PARP8: variants seen among roughly 807,000 people sequenced by gnomAD.
The protein encoded by PARP8 is poly(ADP-ribose) polymerase family member 8.
PARP8 carries 51 observed loss-of-function variants against 124.1 expected under a neutral mutation model. That is an observed-to-expected ratio of 0.41 (90% confidence interval 0.33 to 0.52). The LOEUF is 0.52. PARP8 is among the 20% of genes least tolerant of loss of function. PARP8 has a pLI of 0.21. For missense variants in PARP8, 860 were observed against 1,018.9 expected (o/e 0.84, Z 2.12); for synonymous variants, 391 against 361.5 (o/e 1.08, Z -0.93).
At chr5:50,808,549 G>T (rs1744108486) in intron 14 of PARP8, among the ~76,000 whole-genome samples, 1 of 151,948 alleles carries the variant, frequency 6.6e-6, no homozygotes, top group Non-Finnish European at 1.5e-5. Context: ...GGGCTTCAAG[G>T]AATTTCCTTG....
chr5:50,665,942 T>C (rs1443317465), upstream of PARP8: 1 of 152,270 alleles, frequency 6.6e-6, no homozygotes, highest in East Asian at 1.9e-4. Flanking sequence ...TAGCTTTCCC[T>C]TGACTGTCAA....
At chr5:50,698,656 T>C (rs1007722517) in intron 2 of PARP8, among the ~76,000 whole-genome samples, 2 of 152,182 alleles carry the variant, frequency 1.3e-5, no homozygotes, top group African/African-American at 4.8e-5. Flanking sequence ...ATCAGTCTTT[T>C]ATCCTGATGA....
rs59463822 is a variant in PARP8, at chr5:50,689,018, A to AT, written c.146+20905dup. Among the ~76,000 whole-genome samples the AT allele has an allele frequency of 1.5e-3, 192 of 131,452 alleles. 2 individuals carry two copies. The South Asian group carries it at 0.023, about 16-fold the overall frequency. The allele number at this position is 131,452 out of a possible 152,430, so 86.2% of individuals were successfully genotyped here. A position where few individuals can be genotyped will look rare whatever the true frequency, so the allele number is the denominator to read the frequency against. On this transcript the variant is annotated intron_variant, in intron 2 of 25. Transcript: ENST00000281631. Reference sequence around the variant, plus strand: ...TGACAAGATGTTTAAATATGAATGAATTTTTTTTTTTTGATTTTTTTTTTT... The same window carrying AT: ...TGACAAGATGTTTAAATATGAATGAATTTTTTTTTTTTTGATTTTTTTTTTT...
intron 14 of PARP8, among the ~76,000 whole-genome samples, chr5:50,799,274 T>G (rs1049966199): frequency 1.3e-5 from 2 of 152,246 alleles, no homozygotes; most frequent in African/African-American, 4.8e-5. Context: ...AAAGTCATTC[T>G]TTTGCATGTA....
chr5:50,739,089 A>G (rs1038550007), intron 2 of PARP8: 1 of 702,280 alleles, frequency 1.4e-6, no homozygotes, highest in African/African-American at 1.7e-5. Context: ...TCCCACAGGT[A>G]TTGAATCAAA....
At chr5:50,801,692 T>C (rs1743246505) in intron 14 of PARP8, among the ~76,000 whole-genome samples, 1 of 152,204 alleles carries the variant, frequency 6.6e-6, no homozygotes, top group African/African-American at 2.4e-5. Context: ...CATTTATTCT[T>C]TGTTACCATT....
At chr5:50,754,146 T>TATATATATATACATATAC (rs1561331500) in intron 3 of PARP8, among the ~76,000 whole-genome samples, 4 of 21,410 alleles carry the variant, frequency 1.9e-4, no homozygotes, top group African/African-American at 5.3e-4. Context: ...TATATATATA[T>TATATATATATACATATAC]ATATACACAC....
chr5:50,793,640 G>T (rs796073144), intron 10 of PARP8, among the ~76,000 whole-genome samples: 1 of 152,138 alleles, frequency 6.6e-6, no homozygotes, highest in Non-Finnish European at 1.5e-5. Flanking sequence ...GATATAATTT[G>T]CTGACCACAT....
chr5:50,754,298 C>T (rs1200055500), intron 3 of PARP8, among the ~76,000 whole-genome samples: 6 of 151,260 alleles, frequency 4.0e-5, no homozygotes, highest in African/African-American at 1.5e-4. Flanking sequence ...TCATCATTTA[C>T]ATTAGGTATA....
Position 50,775,515 on chromosome 5 carries a change from A to G in PARP8, c.519-2554A>G, listed in dbSNP as rs1001524840. On this transcript the variant is annotated intron_variant, in intron 7 of 25. Coordinates refer to ENST00000281631, the MANE Select transcript of PARP8 (RefSeq NM_024615.4). ...GGTTGCGGCGAGCCGAGATCAAGGC[A>G]GTACGGTCCAACCTCGGCAACAGAG... 1.6e-4 allele frequency among the ~76,000 whole-genome samples: 24 copies of G among 152,212 alleles called. 1 individual carries two copies. Among genetic ancestry groups the G allele is most frequent in the African/African-American group, 4.8e-4 (20 of 41,470 alleles).
intron 9 of PARP8, among the ~76,000 whole-genome samples, chr5:50,782,269 A>C (rs888806353): frequency 6.6e-6 from 1 of 152,114 alleles, no homozygotes; most frequent in Non-Finnish European, 1.5e-5. Context: ...TCACATGGGG[A>C]TGGCATTACT....
At chr5:50,726,819 T>C (rs1345843749) in intron 2 of PARP8, among the ~76,000 whole-genome samples, 1 of 152,144 alleles carries the variant, frequency 6.6e-6, no homozygotes, top group Non-Finnish European at 1.5e-5. Flanking sequence ...TTCTGCTTGC[T>C]TCTAAAGCAA....
chr5:50,842,289 A>G lies in PARP8; in HGVS notation c.*221A>G, dbSNP rs564368017. On this transcript the variant is annotated 3_prime_UTR_variant, in exon 26 of 26. Transcript: ENST00000281631. The stretch of plus-strand genomic sequence containing the variant: ...TATGGAATCTAGTAATAAAATTTCA[A>G]CAGCACTTAAACTGAAGTTTGGGTT... The G allele has an allele frequency of 1.1e-5, 4 of 352,418 alleles. No individual in the cohort carries two copies. The highest frequency in any genetic ancestry group is 6.5e-5 in the African/African-American group (3 of 45,962). 21.8% of individuals were successfully genotyped at this position (352,418 alleles called of 1,614,324 possible). A position where few individuals can be genotyped will look rare whatever the true frequency, so the allele number is the denominator to read the frequency against.
At chr5:50,752,589 T>C (rs1217425017) in intron 3 of PARP8, among the ~76,000 whole-genome samples, 2 of 152,082 alleles carry the variant, frequency 1.3e-5, no homozygotes, top group African/African-American at 4.8e-5. Context: ...ATATTTGTTC[T>C]TGTTCTTCCG....
At chr5:50,841,930 T>C in intron 25 of PARP8, 36 bp from the exon 26 acceptor site, 1 of 1,448,012 alleles carries the variant, frequency 6.9e-7, no homozygotes, top group South Asian at 1.2e-5. Context: ...TGCCATCTTT[T>C]AAAATGTTTT....
At chr5:50,676,691 G>C (rs1007464463) in intron 2 of PARP8, among the ~76,000 whole-genome samples, 3 of 152,128 alleles carry the variant, frequency 2.0e-5, no homozygotes, top group African/African-American at 4.8e-5. Flanking sequence ...TCTGGAATTT[G>C]TCTAAATATT....
rs771245671 is a variant in PARP8, at chr5:50,778,046, A to G, written c.519-23A>G. 28 of 1,572,800 alleles carry G rather than the reference A, an allele frequency of 1.8e-5. No homozygotes were observed. In the South Asian group the frequency reaches 2.9e-4, roughly 16 times the overall value. On this transcript the variant is annotated intron_variant, in intron 7 of 25. Transcript: ENST00000281631. ...TTTAAGCATCATTAAAATGAAAAAA[A>G]CAGTGTTAATTTTTGCTTTCAGGGA...
At chr5:50,745,258 G>A (rs1398688369) in intron 2 of PARP8, among the ~76,000 whole-genome samples, 1 of 152,178 alleles carries the variant, frequency 6.6e-6, no homozygotes, top group Non-Finnish European at 1.5e-5. Context: ...GTTGGTTTGG[G>A]TCTCAGATAA....
chr5:50,686,351 G>A (rs1276184570), intron 2 of PARP8, among the ~76,000 whole-genome samples: 1 of 152,204 alleles, frequency 6.6e-6, no homozygotes, highest in Admixed American at 6.5e-5. Context: ...GGCAAGAAGT[G>A]GGTTCCCATG....
Sources: allele counts gnomAD v4.1 joint callset (sites outside exome capture counted in the v4.1 genomes callset), GRCh38; gene constraint gnomAD v4.1.1; transcripts MANE v1.5; gene names NCBI Gene and HGNC (gene_info 2026-07-23, HGNC 2026-07-21).